Variants in ELAVL4 observed in about 807,000 individuals in gnomAD.
The protein encoded by ELAVL4 is ELAV like RNA binding protein 4.
Under a neutral mutation model 35.6 loss-of-function variants are expected in ELAVL4, and 1 was observed. The observed-to-expected ratio is 0.03, with a 90% CI of 0.01 to 0.13. The LOEUF (loss-of-function observed/expected upper bound fraction) is 0.13. ELAVL4 is among the 10% of genes least tolerant of loss of function. The pLI is 1.00. For missense variants in ELAVL4, 267 were observed against 464.9 expected (o/e 0.57, Z 3.91); for synonymous variants, 156 against 171.0 (o/e 0.91, Z 0.69).
intron 2 of ELAVL4, among the ~76,000 whole-genome samples, chr1:50,167,659 C>T (rs1019786023): frequency 1.3e-5 from 2 of 152,202 alleles, no homozygotes; most frequent in African/African-American, 2.4e-5. Context: ...TGAGCCTATG[C>T]ATAACCTCCA....
chr1:50,133,572 AAGAG>A (rs1196627702), intron 1 of ELAVL4, among the ~76,000 whole-genome samples: 3 of 149,840 alleles, frequency 2.0e-5, no homozygotes, highest in East Asian at 3.9e-4. Flanking sequence ...AAAAGAAAGA[AAGAG>A]AGAGAGAAAG....
chr1:50,077,373 G>C (rs1015978231), intron 1 of ELAVL4, among the ~76,000 whole-genome samples: 1 of 152,190 alleles, frequency 6.6e-6, no homozygotes, highest in Non-Finnish European at 1.5e-5. Flanking sequence ...TAGCAGGAAA[G>C]AATTGAAGTC....
At chr1:50,163,218 A>G (rs1438016658) in intron 2 of ELAVL4, among the ~76,000 whole-genome samples, 2 of 152,188 alleles carry the variant, frequency 1.3e-5, no homozygotes, top group African/African-American at 2.4e-5. Flanking sequence ...CAATTCAGAT[A>G]TCACATCCTC....
intron 2 of ELAVL4, among the ~76,000 whole-genome samples, chr1:50,175,023 C>A (rs1258702595): frequency 6.6e-6 from 1 of 152,150 alleles, no homozygotes; most frequent in African/African-American, 2.4e-5. Context: ...GATTGACCAT[C>A]TGACCAGTTT....
intron 1 of ELAVL4, among the ~76,000 whole-genome samples, chr1:50,118,040 G>A (rs1668252932): frequency 6.6e-6 from 1 of 152,046 alleles, no homozygotes; most frequent in Non-Finnish European, 1.5e-5. Flanking sequence ...TTTAACCAGT[G>A]CTGTTTTTTT....
At chr1:50,182,427 G>A (rs1461810683) in intron 3 of ELAVL4, among the ~76,000 whole-genome samples, 1 of 152,190 alleles carries the variant, frequency 6.6e-6, no homozygotes, top group African/African-American at 2.4e-5. Flanking sequence ...AGCGTTCACT[G>A]CTGGCTCTGC....
At chr1:50,120,365 A>T (rs1038156853) in intron 1 of ELAVL4, among the ~76,000 whole-genome samples, 1 of 152,050 alleles carries the variant, frequency 6.6e-6, no homozygotes, top group Non-Finnish European at 1.5e-5. Context: ...AAAGGCATAG[A>T]GATGGGAACT....
upstream of ELAVL4, chr1:50,103,896 A>T: frequency 5.6e-6 from 9 of 1,609,854 alleles, no homozygotes; most frequent in Non-Finnish European, 7.6e-6. Flanking sequence ...GACTGGTGTG[A>T]AGAGAGAGGC....
intron 2 of ELAVL4, among the ~76,000 whole-genome samples, chr1:50,153,311 G>T (rs191067742): frequency 1.3e-5 from 2 of 152,186 alleles, no homozygotes; most frequent in Non-Finnish European, 2.9e-5. Flanking sequence ...TGCCTACTGC[G>T]TGTCAGCTAC....
chr1:50,087,538 A>G (rs1015255064), intron 1 of ELAVL4, among the ~76,000 whole-genome samples: 3 of 152,240 alleles, frequency 2.0e-5, no homozygotes, highest in South Asian at 2.1e-4. Flanking sequence ...GATGTGACCT[A>G]AAATGTAACC....
At chr1:50,188,538 A>G (rs913886434) in intron 3 of ELAVL4, among the ~76,000 whole-genome samples, 89 of 152,204 alleles carry the variant, frequency 5.8e-4, no homozygotes, top group Non-Finnish European at 2.9e-5. Context: ...GGTCATCTTT[A>G]TTGCCAATTA....
At chr1:50,058,589 C>T (rs1038388019) in intron 1 of ELAVL4, among the ~76,000 whole-genome samples, 8 of 150,154 alleles carry the variant, frequency 5.3e-5, no homozygotes, top group Non-Finnish European at 1.0e-4. Flanking sequence ...TGGACCTCCG[C>T]ATTAATGGTA....
chr1:50,181,215 AG>A (rs2148843581), intron 3 of ELAVL4: 1 of 152,354 alleles, frequency 6.6e-6, no homozygotes, highest in South Asian at 2.1e-4. Context: ...GCATTCTGTG[AG>A]GGTGTGTGGG....
upstream of ELAVL4, among the ~76,000 whole-genome samples, chr1:50,102,863 G>A (rs543395020): frequency 6.6e-6 from 1 of 152,258 alleles, no homozygotes; most frequent in East Asian, 1.9e-4. Context: ...GAATATATCA[G>A]GGAAAAGTCC....
At chr1:50,073,052 G>A (rs1664602598) in intron 1 of ELAVL4, among the ~76,000 whole-genome samples, 1 of 152,192 alleles carries the variant, frequency 6.6e-6, no homozygotes, top group Admixed American at 6.5e-5. Context: ...TCATGTGGAT[G>A]ATGCCCTAAT....
rs531983457 is a variant in ELAVL4, at chr1:50,157,609, G to C, written c.250+12412G>C. 2.6e-5 allele frequency among the ~76,000 whole-genome samples: 4 copies of C among 152,252 alleles called. No individual in the cohort carries two copies. The East Asian group carries it at 7.7e-4, about 29-fold the overall frequency. ...CTTGTGCTGTTAATATTAGATTTTG[G>C]ATTCCGGTCTATAATGAATGATTTT... is the stretch of plus-strand genomic sequence containing the variant. On this transcript the variant is annotated intron_variant, in intron 2 of 6. Coordinates refer to ENST00000371824, the MANE Select transcript of ELAVL4 (RefSeq NM_001144774.3).
chr1:50,156,616 C>G (rs1352911763), intron 2 of ELAVL4, among the ~76,000 whole-genome samples: 1 of 152,120 alleles, frequency 6.6e-6, no homozygotes, highest in African/African-American at 2.4e-5. Flanking sequence ...TAGATGCCGC[C>G]TTATATTTAT....
chr1:50,051,517 T>C (rs560473403), intron 1 of ELAVL4, among the ~76,000 whole-genome samples: 69 of 152,338 alleles, frequency 4.5e-4, no homozygotes, highest in African/African-American at 1.2e-3. Context: ...AGTTAAATTG[T>C]ATATTCTCTC....
intron 1 of ELAVL4, among the ~76,000 whole-genome samples, chr1:50,143,480 T>C (rs963678067): frequency 6.6e-6 from 1 of 152,194 alleles, no homozygotes; most frequent in Non-Finnish European, 1.5e-5. Flanking sequence ...ATTGTGGTTA[T>C]GTGCCCACCA....
Sources: allele counts gnomAD v4.1 joint callset (sites outside exome capture counted in the v4.1 genomes callset), GRCh38; gene constraint gnomAD v4.1.1; transcripts MANE v1.5; gene names NCBI Gene and HGNC (gene_info 2026-07-23, HGNC 2026-07-21).